Variants in NME8 observed in about 807,000 individuals in gnomAD.
NME8 encodes the protein protein NME8.
Under a neutral mutation model 82.3 loss-of-function variants are expected in NME8, and 72 were observed. That is an observed-to-expected ratio of 0.87 (90% CI 0.72 to 1.06). The LOEUF (loss-of-function observed/expected upper bound fraction) is 1.06, where lower values mean the gene tolerates loss of function less well. Ranked by LOEUF, NME8 falls within the 50% of genes least tolerant of loss-of-function variation. The pLI is 0.00. For synonymous variants in NME8, 267 were observed against 228.5 expected, an observed-to-expected ratio of 1.17 and a Z score of -1.52; for missense variants, 712 against 685.4, an observed-to-expected ratio of 1.04 and a Z score of -0.43.
At position 37,857,350 on chromosome 7, in the gene NME8, G is replaced by A. The variant is rs1263698487; in HGVS notation, c.270+5G>A. 2 of 1,585,060 alleles carry A rather than the reference G, an allele frequency of 1.3e-6. No homozygotes were observed. The highest frequency in any genetic ancestry group is 1.7e-5 in the Admixed American group (1 of 59,798). On this transcript the variant is annotated splice_donor_5th_base_variant and intron_variant, in intron 6 of 17. Coordinates refer to ENST00000199447, the MANE Select transcript of NME8 (RefSeq NM_016616.5). The stretch of plus-strand genomic sequence containing the variant: ...CCTGTTTTTCTCTTTAGTGTTGTAA[G>A]TATATTTACTTTCTCAATTGCATTA...
At chr7:37,850,924 T>C (rs1242763821) in intron 5 of NME8, among the ~76,000 whole-genome samples, 189 bp downstream of exon 5, 1 of 152,214 alleles carries the variant, frequency 6.6e-6, no homozygotes, top group African/African-American at 2.4e-5. Flanking sequence ...TTTTATCCCA[T>C]TCTTATAACG....
rs933716030 is a variant in NME8, at chr7:37,894,588, G to T, written c.1522G>T (p.Asp508Tyr). 14 of 1,591,870 alleles carry T rather than the reference G, an allele frequency of 8.8e-6. No individual in the cohort carries two copies. The highest frequency in any genetic ancestry group is 3.3e-5 in the South Asian group (3 of 90,616). The change falls in exon 16 of 18, where the codon GAT becomes TAT. Residue 508 changes from aspartate (D) to tyrosine (Y), a missense_variant. By Grantham distance (160) the Asp-to-Tyr change is radical. Transcript: ENST00000199447. ...PKVTGKDFYK[D>Y]LLEMLSVGPS... ...AGTAACAGGAAAAGACTTTTATAAA[G>T]ATTTATTGGAAATGTTATCTGTGTA... is the stretch of plus-strand genomic sequence containing the variant.
chr7:37,868,007 AAGTATTTCTTCC>A, intron 11 of NME8, 109 bp downstream of exon 11: 1 of 871,182 alleles, frequency 1.1e-6, no homozygotes, highest in Non-Finnish European at 1.9e-6. Context: ...TTAAAGGCAT[AAGTATTTCTTCC>A]AGTCAACCTA....
rs114687172 is a variant in NME8 at position 37,890,607 on chromosome 7, A to G, written c.1399+2179A>G. 4.2e-3 allele frequency among the ~76,000 whole-genome samples: 637 copies of G among 152,006 alleles called. 4 individuals are homozygous for G. The highest frequency in any genetic ancestry group is 0.014 in the African/African-American group (562 of 41,530). Reference sequence around the variant, plus strand: ...AGCCTCCCCACCTCTAGTGAGCACCATTCTGCTCTCTACTTCTAGGAGATC... The same window carrying G: ...AGCCTCCCCACCTCTAGTGAGCACCGTTCTGCTCTCTACTTCTAGGAGATC... On this transcript the variant is annotated intron_variant, in intron 15 of 17. Coordinates refer to ENST00000199447, the MANE Select transcript of NME8 (RefSeq NM_016616.5).
chr7:37,883,382 TTC>T (rs1784993747), intron 12 of NME8, among the ~76,000 whole-genome samples: 2 of 152,216 alleles, frequency 1.3e-5, no homozygotes, highest in Admixed American at 1.3e-4. Context: ...GTGTTTTCCT[TTC>T]TTTTCTGTGA....
chr7:37,850,276 A>C lies in NME8; in HGVS notation c.10A>C (p.Lys4Gln). 1 of 1,614,082 alleles carries C rather than the reference A, an allele frequency of 6.2e-7. No individual in the cohort carries two copies. Among genetic ancestry groups the C allele is most frequent in the Non-Finnish European group, 8.5e-7 (1 of 1,179,914 alleles). The change falls in exon 3 of 18, where the codon AAA (lysine) becomes CAA (glutamine). Residue 4 changes from lysine (K) to glutamine (Q), a missense_variant. Transcript: ENST00000199447. Reference sequence around the variant, plus strand: ...CTATGATAGTAGATAAATGGCAAGCAAAAAACGAGAAGTCCAGTTACAGGT... The same window carrying C: ...CTATGATAGTAGATAAATGGCAAGCCAAAAACGAGAAGTCCAGTTACAGGT... Reference protein sequence around the residue: MASKKREVQLQTVI... With the variant: MASQKREVQLQTVI...
In NME8 at chr7:37,867,712, AAG is replaced by A. The variant is rs1458549680; in HGVS notation, c.635_636del (p.Glu212ValfsTer20). On this transcript the variant is annotated frameshift_variant, in exon 11 of 18. Transcript: ENST00000199447. LOFTEE classifies it high-confidence loss of function. ...CATTTTATTTTGTAGTGTGACTTCG[AAG>A]AGTTTGTCTCTTTTATGACAAGTGG... The A allele has an allele frequency of 3.1e-6, 5 of 1,612,686 alleles. No individual in the cohort carries two copies. In the Admixed American group the frequency reaches 8.3e-5, roughly 27 times the overall value.
chr7:37,863,824 A>G (rs1037232854), intron 8 of NME8, among the ~76,000 whole-genome samples: 1 of 152,176 alleles, frequency 6.6e-6, no homozygotes, highest in East Asian at 1.9e-4. Flanking sequence ...TGCAGTTAAC[A>G]ATTTCACGCC....
At chr7:37,878,840 T>C (rs1358587137) in intron 12 of NME8, among the ~76,000 whole-genome samples, 1 of 152,150 alleles carries the variant, frequency 6.6e-6, no homozygotes, top group African/African-American at 2.4e-5. Context: ...TGATACACTT[T>C]TACAGTTAAT....
intron 6 of NME8, among the ~76,000 whole-genome samples, chr7:37,858,620 G>C (rs1409297696): frequency 6.6e-6 from 1 of 152,124 alleles, no homozygotes; most frequent in Non-Finnish European, 1.5e-5. Context: ...TAACAACACA[G>C]AGGCAGAATG....
intron 5 of NME8, among the ~76,000 whole-genome samples, chr7:37,857,013 G>T (rs1784521635): frequency 6.6e-6 from 1 of 152,124 alleles, no homozygotes; most frequent in Non-Finnish European, 1.5e-5. Flanking sequence ...AGAAGGGCAG[G>T]ACCAGGGAGG....
chr7:37,857,844 T>A (rs1784535468), intron 6 of NME8, among the ~76,000 whole-genome samples: 1 of 152,190 alleles, frequency 6.6e-6, no homozygotes, highest in Admixed American at 6.5e-5. Flanking sequence ...TAATTTAAGT[T>A]TTATTATTCA....
chr7:37,869,428 G>A (rs1013442170), intron 11 of NME8, among the ~76,000 whole-genome samples: 3 of 152,064 alleles, frequency 2.0e-5, no homozygotes, highest in South Asian at 2.1e-4. Context: ...AACAAAAAGC[G>A]TTCTATGAAG....
chr7:37,872,877 AC>A (rs912873475), intron 11 of NME8, among the ~76,000 whole-genome samples: 1 of 151,910 alleles, frequency 6.6e-6, no homozygotes, highest in African/African-American at 2.4e-5. Context: ...ATGCCACCAC[AC>A]CCCCACCCCA....
chr7:37,880,076 A>C (rs1409955090), intron 12 of NME8, among the ~76,000 whole-genome samples: 2 of 120,320 alleles, frequency 1.7e-5, no homozygotes, highest in Non-Finnish European at 3.8e-5. Flanking sequence ...TTGAGTAGAA[A>C]GGTTTTTTTT....
intron 8 of NME8, among the ~76,000 whole-genome samples, chr7:37,864,024 G>A (rs1270038146): frequency 1.3e-5 from 2 of 152,184 alleles, no homozygotes; most frequent in African/African-American, 4.8e-5. Context: ...TCACTTACTG[G>A]TAGTACTGTG....
Position 37,894,474 on chromosome 7 carries a change from C to A in NME8, c.1408C>A (p.Leu470Met), listed in dbSNP as rs1467807621. 2 of 1,612,686 alleles carry A rather than the reference C, an allele frequency of 1.2e-6. No homozygotes were observed. Among genetic ancestry groups the A allele is most frequent in the East Asian group, 2.2e-5 (1 of 44,800 alleles). ...HATSEQREQI[L>M]KIVKEAGFDL... ...ATATTTGTTTTTCTTAGAGCAGATC[C>A]TGAAGATAGTTAAGGAGGCTGGATT... The change falls in exon 16 of 18, where the codon CTG (leucine) becomes ATG (methionine). Residue 470 changes from leucine (L) to methionine (M), a missense_variant. Leu to Met is a conservative substitution (Grantham distance 15). Transcript: ENST00000199447.
chr7:37,889,939 A>G (rs1287883883), intron 15 of NME8, among the ~76,000 whole-genome samples: 1 of 149,604 alleles, frequency 6.7e-6, no homozygotes, highest in East Asian at 2.2e-4. Context: ...TGTTGGCTAT[A>G]TTTCCTGTAT....
chr7:37,895,744 A>G (rs1313535348), intron 16 of NME8, among the ~76,000 whole-genome samples: 3 of 152,206 alleles, frequency 2.0e-5, no homozygotes, highest in African/African-American at 7.2e-5. Flanking sequence ...CCTTAGTGAC[A>G]TCGTGATCAT....
Sources: allele counts gnomAD v4.1 joint callset (sites outside exome capture counted in the v4.1 genomes callset), GRCh38; gene constraint gnomAD v4.1.1; transcripts MANE v1.5; gene names NCBI Gene and HGNC (gene_info 2026-07-23, HGNC 2026-07-21).